Variants in ABCB5 observed in about 807,000 individuals in gnomAD.
ABCB5 encodes the protein ATP binding cassette subfamily B member 5.
Under a neutral mutation model 144.2 loss-of-function variants are expected in ABCB5, and 155 were observed. The ratio of observed to expected loss-of-function variants is 1.08; its 90% CI spans 0.94 to 1.23. ABCB5 has a LOEUF of 1.23. ABCB5 is among the 50% of genes most tolerant of loss of function. The pLI, the probability that ABCB5 is intolerant of heterozygous loss-of-function variation, is 0.00. For synonymous variants in ABCB5, 610 were observed against 528.6 expected (o/e 1.15, Z -2.11); for missense variants, 1,830 against 1,520.8 (o/e 1.20, Z -3.38).
intron 14 of ABCB5, among the ~76,000 whole-genome samples, chr7:20,670,886 G>A (rs1345027622): frequency 6.6e-6 from 1 of 152,074 alleles, no homozygotes; most frequent in African/African-American, 2.4e-5. Flanking sequence ...TCCAGCCCGG[G>A]CAACAAGAGC....
chr7:20,618,327 C>T (rs956501704), intron 1 of ABCB5, among the ~76,000 whole-genome samples: 2 of 152,134 alleles, frequency 1.3e-5, no homozygotes, highest in Admixed American at 1.3e-4. Flanking sequence ...GGTTATTGTA[C>T]TTACCATAAT....
At chr7:20,688,820 G>C (rs1786097044) in intron 16 of ABCB5, among the ~76,000 whole-genome samples, 1 of 152,128 alleles carries the variant, frequency 6.6e-6, no homozygotes, top group African/African-American at 2.4e-5. Flanking sequence ...TCCTTTGTAG[G>C]GGCATGGATG....
intron 16 of ABCB5, among the ~76,000 whole-genome samples, chr7:20,691,743 C>T (rs908508744): frequency 1.3e-5 from 2 of 152,114 alleles, no homozygotes; most frequent in African/African-American, 4.8e-5. Context: ...CTAAACCTAA[C>T]TAACAAATCC....
At chr7:20,695,148 C>T (rs1282472809) in intron 16 of ABCB5, among the ~76,000 whole-genome samples, 3 of 151,812 alleles carry the variant, frequency 2.0e-5, no homozygotes, top group African/African-American at 7.2e-5. Context: ...CTATATAAAG[C>T]TAATTACTAA....
At chr7:20,650,427 A>T (rs1216209804) in intron 12 of ABCB5, among the ~76,000 whole-genome samples, 3 of 152,256 alleles carry the variant, frequency 2.0e-5, no homozygotes, top group African/African-American at 4.8e-5. Flanking sequence ...CAATAAAAAA[A>T]TAAGTAAATT....
chr7:20,726,614 G>A (rs1036574096), intron 21 of ABCB5, among the ~76,000 whole-genome samples: 4 of 152,114 alleles, frequency 2.6e-5, no homozygotes, highest in East Asian at 1.9e-4. Flanking sequence ...TAATCGGCCC[G>A]CCTTGGCCTC....
chr7:20,642,147 T>C (rs1458111596), intron 5 of ABCB5, among the ~76,000 whole-genome samples: 1 of 152,178 alleles, frequency 6.6e-6, no homozygotes, highest in Non-Finnish European at 1.5e-5. Flanking sequence ...TGCCATCCCA[T>C]GCTCAGATCT....
intron 7 of ABCB5, among the ~76,000 whole-genome samples, chr7:20,643,908 T>TAA (rs553199674): frequency 2.6e-5 from 4 of 152,362 alleles, no homozygotes; most frequent in African/African-American, 9.6e-5. Context: ...GTAGCATGGA[T>TAA]AAAGTATGAT....
intron 20 of ABCB5, among the ~76,000 whole-genome samples, chr7:20,705,927 G>C (rs969033670): frequency 1.6e-4 from 24 of 151,990 alleles, no homozygotes; most frequent in African/African-American, 5.3e-4. Flanking sequence ...CATTCATTTT[G>C]GTTTACAAAG....
chr7:20,664,021 A>AT lies in ABCB5; in HGVS notation c.1707+5359dup, dbSNP rs34583056. The stretch of plus-strand genomic sequence containing the variant: ...ATGAGCCACTGCGCCCAGTCAGGCA[A>AT]TTTTTTTTTTTTTTACCAAAAAGAG... On this transcript the variant is annotated intron_variant, in intron 14 of 27. Coordinates refer to ENST00000404938, the MANE Select transcript of ABCB5 (RefSeq NM_001163941.2). 3.3e-3 allele frequency among the ~76,000 whole-genome samples: 491 copies of AT among 147,258 alleles called. 2 individuals are homozygous for AT. Among genetic ancestry groups the AT allele is most frequent in the Middle Eastern group, 3.6e-3 (1 of 280 alleles).
rs200362811 is a variant in ABCB5, at chr7:20,623,161, TC to T, written c.-21-102del. On this transcript the variant is annotated intron_variant, in intron 1 of 27. Coordinates refer to ENST00000404938, the MANE Select transcript of ABCB5 (RefSeq NM_001163941.2). ...GGGCAGGGCGAAATTCTGAGATGCT[TC>T]CTTTTTCAAACTGTGAGAGATGTGG... The T allele has an allele frequency of 3.2e-4, 235 of 724,018 alleles. No individual in the cohort carries two copies. In the East Asian group the frequency reaches 6.5e-3, roughly 20 times the overall value. 44.8% of individuals were successfully genotyped at this position (724,018 alleles called of 1,614,324 possible).
In ABCB5 at chr7:20,681,560, G is replaced by C. The variant is rs564372775; in HGVS notation, c.1763G>C (p.Ser588Thr). ...GCACACCGACTTTCTACTATTCGAA[G>C]TGCAGATTTGATTGTGACCCTAAAG... ...VVAHRLSTIR[S>T]ADLIVTLKDG... Residue 588 changes from serine to threonine, a missense_variant, in exon 15 of 28, where the codon AGT becomes ACT. By Grantham distance (58) the Ser-to-Thr change is moderately conservative. Transcript: ENST00000404938. The C allele has an allele frequency of 1.9e-6, 3 of 1,614,198 alleles. No individual in the cohort carries two copies. The highest frequency in any genetic ancestry group is 2.5e-6 in the Non-Finnish European group (3 of 1,180,046).
chr7:20,621,639 A>T (rs559515496), intron 1 of ABCB5, among the ~76,000 whole-genome samples: 114 of 152,226 alleles, frequency 7.5e-4, no homozygotes, highest in African/African-American at 2.6e-3. Flanking sequence ...AAAATATATG[A>T]TCTAATAGGG....
chr7:20,677,593 G>A (rs1785657482), intron 14 of ABCB5, among the ~76,000 whole-genome samples: 1 of 152,082 alleles, frequency 6.6e-6, no homozygotes, highest in Admixed American at 6.5e-5. Flanking sequence ...ACCGGGTGTG[G>A]TGGTGCACGC....
At chr7:20,712,704 A>G (rs1267064311) in intron 20 of ABCB5, among the ~76,000 whole-genome samples, 2 of 149,378 alleles carry the variant, frequency 1.3e-5, no homozygotes, top group Admixed American at 6.7e-5. Context: ...GAATTTTAAT[A>G]TGGACTTTTT....
chr7:20,629,959 G>C (rs1263245953), intron 4 of ABCB5, among the ~76,000 whole-genome samples: 1 of 152,134 alleles, frequency 6.6e-6, no homozygotes, highest in Non-Finnish European at 1.5e-5. Flanking sequence ...TGAATTGGTG[G>C]TGAGAGGAAC....
intron 13 of ABCB5, among the ~76,000 whole-genome samples, chr7:20,656,326 A>G (rs1398252951): frequency 6.6e-6 from 1 of 152,174 alleles, no homozygotes; most frequent in Non-Finnish European, 1.5e-5. Context: ...GAAAACAAAA[A>G]GGCAAGACAG....
intron 4 of ABCB5, among the ~76,000 whole-genome samples, chr7:20,631,614 C>T (rs1316053495): frequency 6.6e-6 from 1 of 152,142 alleles, no homozygotes; most frequent in Non-Finnish European, 1.5e-5. Context: ...ACATGTTTCA[C>T]TGAGCTTTCC....
intron 25 of ABCB5, among the ~76,000 whole-genome samples, chr7:20,744,260 G>T (rs533988456): frequency 1.3e-5 from 2 of 152,102 alleles, no homozygotes; most frequent in South Asian, 2.1e-4. Context: ...TAGAAACGGG[G>T]TTTCACCATG....
Sources: allele counts gnomAD v4.1 joint callset (sites outside exome capture counted in the v4.1 genomes callset), GRCh38; gene constraint gnomAD v4.1.1; transcripts MANE v1.5; gene names NCBI Gene and HGNC (gene_info 2026-07-23, HGNC 2026-07-21).